SLC39A11: variants seen among roughly 807,000 people sequenced by gnomAD.
SLC39A11 encodes the protein zinc transporter ZIP11.
SLC39A11 carries 33 observed loss-of-function variants against 36.1 expected under a neutral mutation model. That is an observed-to-expected ratio of 0.91 (90% CI 0.69 to 1.22). The LOEUF is 1.22. SLC39A11 is among the 50% of genes most tolerant of loss of function. The pLI is 0.00. For synonymous variants in SLC39A11, 166 were observed against 170.3 expected (o/e 0.97, Z 0.20); for missense variants, 432 against 430.3 (o/e 1.00, Z -0.03).
At chr17:72,932,292 T>TTTATTATGATTATTATTATTATTATTA (rs2084449225) in intron 5 of SLC39A11, among the ~76,000 whole-genome samples, 3 of 144,372 alleles carry the variant, frequency 2.1e-5, no homozygotes, top group African/African-American at 8.5e-5. Flanking sequence ...GACCTGTTCT[T>TTTATTATGATTATTATTATTATTATTA]TTATTATTAT....
chr17:73,085,005 C>T (rs1362045466), intron 2 of SLC39A11, among the ~76,000 whole-genome samples, 159 bp from the exon 3 acceptor site: 4 of 152,254 alleles, frequency 2.6e-5, no homozygotes, highest in Non-Finnish European at 2.9e-5. Context: ...CCAAGAACCA[C>T]GGGGAAAGTC....
At chr17:73,089,616 G>A (rs909226744) in intron 1 of SLC39A11, 1 of 152,344 alleles carries the variant, frequency 6.6e-6, no homozygotes, top group African/African-American at 2.4e-5. Context: ...TTAGTTGCTT[G>A]AGGACGGGGA....
chr17:72,985,883 C>T (rs35152682), intron 4 of SLC39A11, among the ~76,000 whole-genome samples: 78,026 of 151,944 alleles, frequency 0.51, 20,968 homozygotes, highest in Middle Eastern at 0.69. Context: ...GTCATTAGGG[C>T]AGGTCCCAAT....
intron 6 of SLC39A11, among the ~76,000 whole-genome samples, chr17:72,778,445 AC>A: frequency 6.6e-6 from 1 of 152,358 alleles, no homozygotes; most frequent in East Asian, 1.9e-4. Flanking sequence ...TGAAGGGTTC[AC>A]CCTTAAGCAC....
At chr17:72,654,499 C>G (rs2070014684) in intron 7 of SLC39A11, among the ~76,000 whole-genome samples, 1 of 152,190 alleles carries the variant, frequency 6.6e-6, no homozygotes, top group Non-Finnish European at 1.5e-5. Context: ...ATGTTGAGGA[C>G]AAATTCTTAA....
chr17:72,922,220 G>C (rs1420441569), intron 5 of SLC39A11, among the ~76,000 whole-genome samples: 4 of 152,160 alleles, frequency 2.6e-5, no homozygotes, highest in Non-Finnish European at 1.5e-5. Context: ...CTTGTGTCTG[G>C]AGCAATCCTT....
intron 3 of SLC39A11, among the ~76,000 whole-genome samples, chr17:73,059,827 A>C (rs891135563): frequency 6.6e-6 from 1 of 152,162 alleles, no homozygotes; most frequent in African/African-American, 2.4e-5. Flanking sequence ...AATGAGAAAG[A>C]GGGAAGGTAT....
At chr17:72,917,272 C>A (rs1485349574) in intron 5 of SLC39A11, among the ~76,000 whole-genome samples, 1 of 152,216 alleles carries the variant, frequency 6.6e-6, no homozygotes, top group Non-Finnish European at 1.5e-5. Flanking sequence ...TTCTGCTTTC[C>A]CAGCATTTGC....
intron 6 of SLC39A11, among the ~76,000 whole-genome samples, chr17:72,813,922 C>A (rs1054123783): frequency 1.3e-5 from 2 of 152,160 alleles, no homozygotes; most frequent in African/African-American, 4.8e-5. Context: ...ACACTGACAG[C>A]GCTACTCACT....
At chr17:72,844,991 AT>A (rs985697044) in intron 6 of SLC39A11, among the ~76,000 whole-genome samples, 59 of 152,184 alleles carry the variant, frequency 3.9e-4, no homozygotes, top group African/African-American at 1.3e-3. Context: ...GGCAAATCCC[AT>A]TGGCTCCACC....
chr17:72,670,212 C>CATAT (rs1201687637), intron 7 of SLC39A11, among the ~76,000 whole-genome samples: 4 of 125,172 alleles, frequency 3.2e-5, no homozygotes, highest in African/African-American at 6.0e-5. Flanking sequence ...CACACACACA[C>CATAT]ATATATATAT....
intron 4 of SLC39A11, among the ~76,000 whole-genome samples, chr17:72,951,905 T>G (rs1179659064): frequency 6.6e-6 from 1 of 152,164 alleles, no homozygotes; most frequent in Non-Finnish European, 1.5e-5. Flanking sequence ...TCTTTTCACC[T>G]TTCTATCAAT....
At chr17:72,834,773 C>T (rs566848206) in intron 6 of SLC39A11, among the ~76,000 whole-genome samples, 2 of 152,286 alleles carry the variant, frequency 1.3e-5, no homozygotes, top group South Asian at 4.1e-4. Context: ...AATTCTCTTG[C>T]TTTAGTTTTC....
chr17:72,775,863 GC>G (rs1252026211), intron 6 of SLC39A11, among the ~76,000 whole-genome samples: 3 of 152,180 alleles, frequency 2.0e-5, no homozygotes, highest in Admixed American at 6.5e-5. Context: ...TGAGAACTTG[GC>G]CCCGGCCGGC....
chr17:72,780,074 G>A (rs1759622875), intron 6 of SLC39A11, among the ~76,000 whole-genome samples: 1 of 152,152 alleles, frequency 6.6e-6, no homozygotes, highest in Non-Finnish European at 1.5e-5. Context: ...GTGTACTCAA[G>A]GATCACCAAG....
At chr17:72,963,319 C>T (rs1038597166) in intron 4 of SLC39A11, among the ~76,000 whole-genome samples, 2 of 151,624 alleles carry the variant, frequency 1.3e-5, no homozygotes, top group Admixed American at 6.6e-5. Context: ...TACAGGCGCC[C>T]GCCACCACGC....
rs571544942 is a variant in SLC39A11, at chr17:72,926,785, G to A, written c.430+20967C>T. 2.0e-5 allele frequency among the ~76,000 whole-genome samples: 3 copies of A among 152,056 alleles called. No homozygotes were observed. In the East Asian group the frequency reaches 5.8e-4, roughly 29 times the overall value. ...TCTTTGACCCCAAAAAGGGATTCCC[G>A]AGCACCTCAGAATGGAGCTCACAGG... On this transcript the variant is annotated intron_variant, in intron 5 of 9. Transcript: ENST00000255559.
chr17:72,657,897 G>T (rs1290921485), intron 7 of SLC39A11, among the ~76,000 whole-genome samples: 1 of 152,200 alleles, frequency 6.6e-6, no homozygotes, highest in Admixed American at 6.5e-5. Context: ...CCTCTAGAGA[G>T]CCAGCTTCCC....
chr17:72,932,630 T>A lies in SLC39A11; in HGVS notation c.430+15122A>T, dbSNP rs1348590340. 2.0e-5 allele frequency among the ~76,000 whole-genome samples: 3 copies of A among 152,250 alleles called. No individual in the cohort carries two copies. The East Asian group carries it at 5.8e-4, about 29-fold the overall frequency. ...TTCTCCAAAGTTTCCAATATGGGCA[T>A]CAAAATCCCCACGGTCTGGGCCAAA... is the stretch of plus-strand genomic sequence containing the variant. On this transcript the variant is annotated intron_variant, in intron 5 of 9. Coordinates refer to ENST00000255559, the MANE Select transcript of SLC39A11 (RefSeq NM_139177.4).
Sources: allele counts gnomAD v4.1 joint callset (sites outside exome capture counted in the v4.1 genomes callset), GRCh38; gene constraint gnomAD v4.1.1; transcripts MANE v1.5; gene names NCBI Gene and HGNC (gene_info 2026-07-23, HGNC 2026-07-21).